CADPS: variants seen among roughly 807,000 people sequenced by gnomAD.
CADPS encodes the protein calcium dependent secretion activator, also known as calcium-dependent secretion activator 1.
In CADPS, 57 loss-of-function variants were observed where a neutral mutation model predicts 167.3. The observed-to-expected ratio is 0.34, with a 90% CI of 0.28 to 0.42. The LOEUF (loss-of-function observed/expected upper bound fraction) is 0.42. Among genes scored for constraint, CADPS ranks in the 20% least tolerant of loss-of-function variants. The pLI, the probability that CADPS is intolerant of heterozygous loss-of-function variation, is 1.00. For synonymous variants in CADPS, 676 were observed against 635.3 expected, an observed-to-expected ratio of 1.06 and a Z score of -0.96; for missense variants, 1,414 against 1,738.1, an observed-to-expected ratio of 0.81 and a Z score of 3.32.
At chr3:62,763,125 C>T (rs963415001) in intron 2 of CADPS, among the ~76,000 whole-genome samples, 3 of 152,136 alleles carry the variant, frequency 2.0e-5, no homozygotes, top group Non-Finnish European at 4.4e-5. Flanking sequence ...TACTCAGGTG[C>T]CAGAGATGGT....
chr3:62,691,218 A>G (rs530842130), intron 3 of CADPS, among the ~76,000 whole-genome samples: 2 of 152,134 alleles, frequency 1.3e-5, no homozygotes, highest in African/African-American at 2.4e-5. Context: ...GGACAGCGAA[A>G]CTGCTCTATA....
chr3:62,598,183 G>A (rs925439666), intron 6 of CADPS, among the ~76,000 whole-genome samples: 3 of 152,040 alleles, frequency 2.0e-5, no homozygotes, highest in African/African-American at 7.2e-5. Context: ...AAATCAAATG[G>A]GGGCCCCTTC....
chr3:62,525,705 A>ATGTG (rs1349516596), intron 13 of CADPS, among the ~76,000 whole-genome samples: 30 of 119,360 alleles, frequency 2.5e-4, no homozygotes, highest in Admixed American at 5.6e-4. Flanking sequence ...GTGTGTGTGT[A>ATGTG]TGTGTGTGTG....
intron 1 of CADPS, among the ~76,000 whole-genome samples, chr3:62,774,766 G>A (rs188466311): frequency 1.2e-3 from 184 of 152,246 alleles, no homozygotes; most frequent in Non-Finnish European, 2.2e-3. Flanking sequence ...GTGAAATGCC[G>A]TTTTGGTTGA....
intron 8 of CADPS, among the ~76,000 whole-genome samples, chr3:62,582,013 T>C (rs1195947312): frequency 1.3e-5 from 2 of 152,228 alleles, no homozygotes; most frequent in Non-Finnish European, 2.9e-5. Flanking sequence ...AATAAAGTTA[T>C]TCTGAATGGC....
intron 6 of CADPS, among the ~76,000 whole-genome samples, chr3:62,611,850 A>G (rs1449796735): frequency 6.6e-6 from 1 of 152,192 alleles, no homozygotes; most frequent in Non-Finnish European, 1.5e-5. Context: ...AGTCTTCCCT[A>G]GCACTCCTTA....
intron 13 of CADPS, among the ~76,000 whole-genome samples, chr3:62,526,706 T>G (rs191634940): frequency 1.3e-5 from 2 of 152,348 alleles, no homozygotes; most frequent in Admixed American, 1.3e-4. Context: ...CATACTCACA[T>G]TTTCCTTTTT....
intron 21 of CADPS, among the ~76,000 whole-genome samples, chr3:62,486,812 G>T (rs1266683507): frequency 1.3e-5 from 2 of 152,238 alleles, no homozygotes; most frequent in Non-Finnish European, 2.9e-5. Flanking sequence ...TTTCCCACAG[G>T]CAGTGTGCTT....
chr3:62,447,701 G>A (rs1464162059), intron 26 of CADPS, among the ~76,000 whole-genome samples: 1 of 152,182 alleles, frequency 6.6e-6, no homozygotes, highest in Non-Finnish European at 1.5e-5. Context: ...TAGTTGTATA[G>A]AAAGGTGACT....
At chr3:62,705,055 A>G (rs746134794) in intron 3 of CADPS, among the ~76,000 whole-genome samples, 2 of 152,152 alleles carry the variant, frequency 1.3e-5, no homozygotes, top group Non-Finnish European at 2.9e-5. Flanking sequence ...CCTTAAAAGT[A>G]ACCTGGGTTA....
intron 28 of CADPS, among the ~76,000 whole-genome samples, chr3:62,417,545 A>G (rs2050380658): frequency 6.6e-6 from 1 of 151,966 alleles, no homozygotes. Flanking sequence ...TCGGCCTCCC[A>G]AAGTGTTGGG....
At chr3:62,746,420 TCAC>T (rs2081462164) in intron 3 of CADPS, among the ~76,000 whole-genome samples, 1 of 152,060 alleles carries the variant, frequency 6.6e-6, no homozygotes, top group African/African-American at 2.4e-5. Flanking sequence ...ACTTCAGCCT[TCAC>T]CTCCTGGTCT....
intron 3 of CADPS, among the ~76,000 whole-genome samples, chr3:62,667,579 T>C (rs780052640): frequency 6.6e-5 from 10 of 152,118 alleles, no homozygotes; most frequent in Non-Finnish European, 1.3e-4. Flanking sequence ...TGGGAAAGGA[T>C]TCTGTGATCA....
intron 1 of CADPS, among the ~76,000 whole-genome samples, chr3:62,858,548 G>GA (rs761434517): frequency 3.7e-4 from 57 of 152,052 alleles, no homozygotes; most frequent in Non-Finnish European, 7.1e-4. Flanking sequence ...TTTCATACCT[G>GA]AAAAAATTAC....
chr3:62,868,930 T>C (rs893464187), intron 1 of CADPS, among the ~76,000 whole-genome samples: 1 of 152,124 alleles, frequency 6.6e-6, no homozygotes, highest in Non-Finnish European at 1.5e-5. Context: ...TATCCCAGAG[T>C]CTTGCCTACA....
intron 1 of CADPS, among the ~76,000 whole-genome samples, chr3:62,833,833 T>C (rs767282790): frequency 3.3e-5 from 5 of 152,234 alleles, no homozygotes; most frequent in Non-Finnish European, 7.4e-5. Flanking sequence ...AAGATTGTTT[T>C]TGAGAAAACT....
At chr3:62,523,722 G>C (rs1166793040) in intron 13 of CADPS, among the ~76,000 whole-genome samples, 2 of 152,188 alleles carry the variant, frequency 1.3e-5, no homozygotes, top group African/African-American at 4.8e-5. Context: ...CTGGTCCACT[G>C]CTCCGCATAT....
At chr3:62,579,064 C>A (rs2082879618) in intron 8 of CADPS, among the ~76,000 whole-genome samples, 1 of 152,158 alleles carries the variant, frequency 6.6e-6, no homozygotes, top group Admixed American at 6.5e-5. Flanking sequence ...AACTGTATTC[C>A]TTTTGAAGTT....
At chr3:62,651,138 G>GACCTTCTTTAT in intron 4 of CADPS, 58 bp from the exon 5 acceptor site, 1 of 1,240,930 alleles carries the variant, frequency 8.1e-7, no homozygotes, top group Non-Finnish European at 1.2e-6. Flanking sequence ...GATTTATAAA[G>GACCTTCTTTAT]AAGGTCTTTG....
Sources: gnomAD v4.1 joint callset for allele counts (sites outside exome capture counted in the v4.1 genomes callset) on GRCh38, gnomAD v4.1.1 for gene constraint, MANE v1.5 for transcripts, NCBI Gene and HGNC (gene_info 2026-07-23, HGNC 2026-07-21) for gene names.